Variants in OCA2 observed in about 807,000 individuals in gnomAD.
OCA2 encodes P protein.
OCA2 carries 77 observed loss-of-function variants against 100.2 expected under a neutral mutation model. That is an observed-to-expected ratio of 0.77 (90% CI 0.64 to 0.93). OCA2 has a LOEUF of 0.93. Among genes scored for constraint, OCA2 ranks in the 40% least tolerant of loss-of-function variants. The pLI is 0.00. For missense variants in OCA2, 1,062 were observed against 1,089.1 expected, an observed-to-expected ratio of 0.98 and a Z score of 0.35; for synonymous variants, 432 against 439.2, an observed-to-expected ratio of 0.98 and a Z score of 0.21.
At chr15:27,925,753 AATGTTACTCAAATATCAC>A (rs1443472471) in intron 19 of OCA2, among the ~76,000 whole-genome samples, 2 of 152,216 alleles carry the variant, frequency 1.3e-5, no homozygotes, top group Non-Finnish European at 2.9e-5. Context: ...TGATAACGGA[AATGTTACTCAAATATCAC>A]ACAAAATGAA....
At chr15:27,998,451 C>T (rs879439307) in intron 9 of OCA2, among the ~76,000 whole-genome samples, 1,922 of 131,176 alleles carry the variant, frequency 0.015, no homozygotes, top group Non-Finnish European at 0.025. Context: ...TGAAAAAATG[C>T]TCATCATCAC....
At chr15:27,824,602 C>CTCTCTCTATATATATATATATATATATA in intron 23 of OCA2, among the ~76,000 whole-genome samples, 8 of 47,584 alleles carry the variant, frequency 1.7e-4, no homozygotes, top group African/African-American at 3.2e-4. Context: ...CTCTCTCTCT[C>CTCTCTCTATATATATATATATATATATA]TATATATATA....
intron 2 of OCA2, among the ~76,000 whole-genome samples, chr15:28,057,473 C>T (rs1221803686): frequency 1.3e-5 from 2 of 152,084 alleles, no homozygotes; most frequent in African/African-American, 4.8e-5. Flanking sequence ...TCCTGGAGAC[C>T]AGTGAATCCC....
intron 6 of OCA2, among the ~76,000 whole-genome samples, chr15:28,021,668 C>A (rs936819381): frequency 2.0e-5 from 3 of 152,202 alleles, no homozygotes; most frequent in African/African-American, 4.8e-5. Flanking sequence ...GGGAAAGCAT[C>A]CCCCAGTGAT....
intron 15 of OCA2, among the ~76,000 whole-genome samples, chr15:27,961,491 C>T (rs1385563947): frequency 6.6e-6 from 1 of 152,210 alleles, no homozygotes; most frequent in East Asian, 1.9e-4. Context: ...TATAAAGACA[C>T]ATGCACACGT....
intron 1 of OCA2, among the ~76,000 whole-genome samples, 167 bp from the exon 2 acceptor site, chr15:28,082,062 T>G (rs1163701488): frequency 6.6e-6 from 1 of 152,220 alleles, no homozygotes; most frequent in Non-Finnish European, 1.5e-5. Context: ...TGAAGCCAGC[T>G]GGACTTCCTG....
intron 9 of OCA2, among the ~76,000 whole-genome samples, chr15:28,000,064 C>A (rs1595794503): frequency 6.6e-6 from 1 of 152,252 alleles, no homozygotes; most frequent in East Asian, 1.9e-4. Flanking sequence ...AGATTCAATG[C>A]AATCCCTATC....
intron 19 of OCA2, among the ~76,000 whole-genome samples, chr15:27,921,326 A>T (rs1046021440): frequency 1.3e-5 from 2 of 152,060 alleles, no homozygotes; most frequent in African/African-American, 4.8e-5. Flanking sequence ...AGAAAAAAAA[A>T]CTATCAGGGA....
chr15:28,004,446 G>A lies in OCA2; in HGVS notation c.1044+10330C>T, dbSNP rs552336080. ...GGGCTGCAGGGGAGCCTGCGGGGAC[G>A]CCAGCGGGGCACCCGGACCGTCTGG... On this transcript the variant is annotated intron_variant, in intron 9 of 23. Transcript: ENST00000354638. Among the ~76,000 whole-genome samples, 29 of 152,264 alleles carry A rather than the reference G, an allele frequency of 1.9e-4. No homozygotes were observed. The East Asian group carries it at 3.9e-3, about 20-fold the overall frequency.
rs74005248 is a variant in OCA2 at position 27,845,180 on chromosome 15, G to A, written c.2339-128C>T. 0.059 allele frequency: 44,885 copies of A among 765,098 alleles called. 3,955 individuals carry two copies. The highest frequency in any genetic ancestry group is 0.27 in the African/African-American group (15,226 of 56,992). The allele number at this position is 765,098 out of a possible 1,614,324, so 47.4% of individuals were successfully genotyped here. On this transcript the variant is annotated intron_variant, in intron 22 of 23. Coordinates refer to ENST00000354638, the MANE Select transcript of OCA2 (RefSeq NM_000275.3). ...TTATTATTTTATAGTCAAAGTGACC[G>A]CTTTGTAAATATCTGGAAACACACA...
the OCA2 span, among the ~76,000 whole-genome samples, chr15:27,748,278 G>A: frequency 6.6e-6 from 1 of 152,176 alleles, no homozygotes; most frequent in Non-Finnish European, 1.5e-5. Context: ...ACCTGGGCTG[G>A]GAAATGCTCA....
At chr15:27,926,036 T>G in intron 19 of OCA2, 91 bp downstream of exon 19, 1 of 1,429,050 alleles carries the variant, frequency 7.0e-7, no homozygotes, top group Non-Finnish European at 9.8e-7. Flanking sequence ...AAGGAAAGAT[T>G]AATAGATGTA....
At chr15:27,792,597 T>C (rs1048614725) in intron 23 of OCA2, among the ~76,000 whole-genome samples, 2 of 152,138 alleles carry the variant, frequency 1.3e-5, no homozygotes, top group Non-Finnish European at 2.9e-5. Context: ...TCCATAACTT[T>C]CCGAGACGTG....
At chr15:27,955,345 A>T in intron 16 of OCA2, 130 bp from the exon 17 acceptor site, 1 of 755,382 alleles carries the variant, frequency 1.3e-6, no homozygotes, top group Non-Finnish European at 2.4e-6. Flanking sequence ...AGGACTAGTC[A>T]TGGGGGGCCG....
chr15:27,796,186 T>C (rs750691376), intron 23 of OCA2, among the ~76,000 whole-genome samples: 1 of 152,258 alleles, frequency 6.6e-6, no homozygotes, highest in African/African-American at 2.4e-5. Flanking sequence ...GTTTTATTTG[T>C]TGGAACAACA....
chr15:27,893,015 T>C (rs2037528484), intron 19 of OCA2, among the ~76,000 whole-genome samples: 1 of 152,182 alleles, frequency 6.6e-6, no homozygotes, highest in African/African-American at 2.4e-5. Flanking sequence ...AGATAAAATC[T>C]ATAATCTGAA....
chr15:27,976,541 T>C (rs2040972097), intron 14 of OCA2, among the ~76,000 whole-genome samples: 1 of 152,192 alleles, frequency 6.6e-6, no homozygotes, highest in Admixed American at 6.5e-5. Context: ...AGTTTGTTAG[T>C]ATAGTAAATT....
intron 17 of OCA2, among the ~76,000 whole-genome samples, chr15:27,954,740 G>C (rs954893604): frequency 6.6e-6 from 1 of 151,830 alleles, no homozygotes; most frequent in Non-Finnish European, 1.5e-5. Flanking sequence ...GCCCCAGGAA[G>C]TCACAGCCAT....
chr15:27,745,227 G>A, the OCA2 span, among the ~76,000 whole-genome samples: 2 of 152,134 alleles, frequency 1.3e-5, no homozygotes, highest in Non-Finnish European at 2.9e-5. Flanking sequence ...AGGAGGAAAC[G>A]TGTCCACCCT....
Sources: allele counts gnomAD v4.1 joint callset (sites outside exome capture counted in the v4.1 genomes callset), GRCh38; gene constraint gnomAD v4.1.1; transcripts MANE v1.5; gene names NCBI Gene and HGNC (gene_info 2026-07-23, HGNC 2026-07-21).